OR6N1: variants seen among roughly 807,000 people sequenced by gnomAD.
OR6N1 encodes the protein olfactory receptor family 6 subfamily N member 1, also known as olfactory receptor 6N1.
For synonymous variants in OR6N1, 170 were observed against 150.7 expected (o/e 1.13, Z -0.94); for missense variants, 394 against 371.7 (o/e 1.06, Z -0.49).
chr1:158,822,968 A>G, the OR6N1 span, among the ~76,000 whole-genome samples: 1 of 152,156 alleles, frequency 6.6e-6, no homozygotes, highest in African/African-American at 2.4e-5. Flanking sequence ...TGAGATAATC[A>G]TGTGGGCTTT....
At chr1:158,839,302 T>C in the OR6N1 span, among the ~76,000 whole-genome samples, 795 of 152,310 alleles carry the variant, frequency 5.2e-3, 5 homozygotes, top group African/African-American at 0.017. Flanking sequence ...CCTGGGCTTA[T>C]GTGTGTGCAT....
the OR6N1 span, among the ~76,000 whole-genome samples, chr1:158,814,000 A>G: frequency 0.12 from 17,632 of 152,120 alleles, 1,908 homozygotes; most frequent in African/African-American, 0.28. Flanking sequence ...ATGCCTAGCC[A>G]GATGTACTGT....
the OR6N1 span, among the ~76,000 whole-genome samples, chr1:158,777,918 A>G: frequency 2.6e-5 from 4 of 152,216 alleles, no homozygotes; most frequent in Non-Finnish European, 4.4e-5. Flanking sequence ...TGCAAATAAG[A>G]AAACTTGGGA....
the OR6N1 span, among the ~76,000 whole-genome samples, chr1:158,791,517 T>A: frequency 6.7e-6 from 1 of 150,346 alleles, no homozygotes; most frequent in Admixed American, 6.7e-5. Flanking sequence ...GTCACCAGGC[T>A]GGAGTGCAGT....
chr1:158,819,602 G>T, the OR6N1 span, among the ~76,000 whole-genome samples: 1 of 152,062 alleles, frequency 6.6e-6, no homozygotes, highest in Non-Finnish European at 1.5e-5. Flanking sequence ...ACAAAAAGAG[G>T]AATGTATACC....
the OR6N1 span, among the ~76,000 whole-genome samples, chr1:158,783,187 A>G: frequency 3.3e-5 from 5 of 152,112 alleles, no homozygotes; most frequent in African/African-American, 9.7e-5. Context: ...TCCTATGGCA[A>G]CTTGCTGGAT....
In OR6N1 at chr1:158,765,911, T is replaced by C; in HGVS notation, c.772A>G (p.Met258Val). ...TAGCTCTTCTTCAGCTGCACATACA[T>C]GGAAAGGATGCTCCCATAGAAGATG... ...VLIFYGSILS[M>V]YVQLKKSYSL... Residue 258 changes from methionine (M) to valine (V), a missense_variant, in exon 2 of 2, where the codon ATG becomes GTG. Met to Val is a conservative substitution (Grantham distance 21). Transcript: ENST00000641846. 6.2e-7 allele frequency: 1 copy of C among 1,614,056 alleles called. No individual in the cohort carries two copies. Among genetic ancestry groups the C allele is most frequent in the Admixed American group, 1.7e-5 (1 of 60,020 alleles).
the OR6N1 span, chr1:158,777,689 G>C: frequency 1.1e-5 from 13 of 1,150,148 alleles, no homozygotes; most frequent in Non-Finnish European, 1.6e-5. Flanking sequence ...GATGACTGCT[G>C]AATCCATGCC....
chr1:158,800,812 T>G, the OR6N1 span, among the ~76,000 whole-genome samples: 10 of 152,344 alleles, frequency 6.6e-5, no homozygotes, highest in South Asian at 2.1e-3. Flanking sequence ...AGAGAGTTTT[T>G]ATTTCAAAAA....
chr1:158,765,720 C>A lies in OR6N1; in HGVS notation c.*24G>T. 4 of 1,585,072 alleles carry A rather than the reference C, an allele frequency of 2.5e-6. No homozygotes were observed. The highest frequency in any genetic ancestry group is 3.5e-6 in the Non-Finnish European group (4 of 1,157,082). On this transcript the variant is annotated 3_prime_UTR_variant, in exon 2 of 2. Transcript: ENST00000641846. Reference sequence around the variant, plus strand: ...GGGGCCACCATATCCTCAGGCCCGGCCTTGGCCTACTCTCAGCCCCAACTC... The same window carrying A: ...GGGGCCACCATATCCTCAGGCCCGGACTTGGCCTACTCTCAGCCCCAACTC...
the OR6N1 span, among the ~76,000 whole-genome samples, chr1:158,795,136 T>C: frequency 1.3e-5 from 2 of 152,122 alleles, no homozygotes; most frequent in Non-Finnish European, 2.9e-5. Flanking sequence ...AGGAAGAGTG[T>C]AGCTTCCTCT....
chr1:158,817,300 T>A, the OR6N1 span, among the ~76,000 whole-genome samples: 1 of 152,222 alleles, frequency 6.6e-6, no homozygotes, highest in African/African-American at 2.4e-5. Flanking sequence ...TAGCTACTAA[T>A]GAGCTGTGTG....
At chr1:158,835,083 A>G in the OR6N1 span, among the ~76,000 whole-genome samples, 1 of 152,226 alleles carries the variant, frequency 6.6e-6, no homozygotes, top group Non-Finnish European at 1.5e-5. Flanking sequence ...AAGATTAAAA[A>G]AGGCTATTTA....
the OR6N1 span, among the ~76,000 whole-genome samples, chr1:158,835,266 C>T: frequency 6.6e-5 from 10 of 152,142 alleles, no homozygotes; most frequent in African/African-American, 2.4e-4. Context: ...CAGATGCCTT[C>T]CCATGTACAT....
At chr1:158,824,087 A>T in the OR6N1 span, among the ~76,000 whole-genome samples, 2 of 151,810 alleles carry the variant, frequency 1.3e-5, no homozygotes, top group Non-Finnish European at 2.9e-5. Context: ...TTGATATGTG[A>T]TATGGTTTGG....
At chr1:158,799,969 T>C in the OR6N1 span, among the ~76,000 whole-genome samples, 1 of 151,896 alleles carries the variant, frequency 6.6e-6, no homozygotes, top group Non-Finnish European at 1.5e-5. Context: ...GCTTTCTACT[T>C]CAGATAAAAT....
chr1:158,776,727 C>T (rs781238622), upstream of OR6N1: 1 of 1,612,928 alleles, frequency 6.2e-7, no homozygotes, highest in Non-Finnish European at 8.5e-7. Flanking sequence ...GGAAGATGGT[C>T]CTCTTGATAG....
chr1:158,783,656 A>G, the OR6N1 span, among the ~76,000 whole-genome samples: 1 of 152,164 alleles, frequency 6.6e-6, no homozygotes, highest in African/African-American at 2.4e-5. Flanking sequence ...ACATATTTTA[A>G]TTATATACTT....
At chr1:158,778,900 T>C in the OR6N1 span, among the ~76,000 whole-genome samples, 2 of 151,068 alleles carry the variant, frequency 1.3e-5, no homozygotes, top group African/African-American at 4.9e-5. Flanking sequence ...CACCTGCAGT[T>C]CCCAGCTACT....
Sources: gnomAD v4.1 joint callset for allele counts (sites outside exome capture counted in the v4.1 genomes callset) on GRCh38, gnomAD v4.1.1 for gene constraint, MANE v1.5 for transcripts, NCBI Gene and HGNC (gene_info 2026-07-23, HGNC 2026-07-21) for gene names.